The following MUC5B variants were observed in gnomAD, a reference collection of about 807,000 sequenced individuals.
The protein encoded by MUC5B is mucin-5B.
In MUC5B, 116 loss-of-function variants were observed where a neutral mutation model predicts 376.9. The ratio of observed to expected loss-of-function variants is 0.31; its 90% CI spans 0.26 to 0.36. The LOEUF is 0.36. Among genes scored for constraint, MUC5B ranks in the 10% least tolerant of loss-of-function variants. The probability of loss-of-function intolerance (pLI) is 1.00; values close to 1 mark genes in which losing one functional copy is unlikely to be tolerated. For synonymous variants in MUC5B, 3,517 were observed against 3,390.9 expected, an observed-to-expected ratio of 1.04 and a Z score of -1.29; for missense variants, 7,165 against 7,769.9, an observed-to-expected ratio of 0.92 and a Z score of 2.93.
At position 1,229,343 on chromosome 11, in the gene MUC5B, C is replaced by T. The variant is rs1162422193; in HGVS notation, c.1102+48C>T. 29 of 1,483,520 alleles carry T rather than the reference C, an allele frequency of 2.0e-5. No individual in the cohort carries two copies. In the Middle Eastern group the frequency reaches 5.4e-4, roughly 27 times the overall value. 91.9% of individuals were successfully genotyped at this position (1,483,520 alleles called of 1,614,324 possible). ...CCCTCAGGGGGCTTTCAGGTCCCTG[C>T]TCCCAACCCCGCCCCCAGCCTCATC... On this transcript the variant is annotated intron_variant, in intron 9 of 48. Transcript: ENST00000529681.
At position 1,249,843 on chromosome 11, in the gene MUC5B, C is replaced by G. The variant is rs776740108; in HGVS notation, c.12963C>G (p.Thr4321=). 2 of 1,613,710 alleles carry G rather than the reference C, an allele frequency of 1.2e-6. No homozygotes were observed. The highest frequency in any genetic ancestry group is 1.1e-5 in the South Asian group (1 of 91,076). ...LTSTATKSTA[T]SVTPIPSSTL... ...GCACAGCCACCAAATCCACAGCTAC[C>G]AGCGTTACACCCATCCCCTCCTCCA... Residue 4321 remains threonine, a synonymous_variant, in exon 31 of 49, where the codon ACC becomes ACG. Coordinates refer to ENST00000529681, the MANE Select transcript of MUC5B (RefSeq NM_002458.3).
At chr11:1,225,478 C>T (rs988537825) in intron 1 of MUC5B, among the ~76,000 whole-genome samples, 3 of 152,216 alleles carry the variant, frequency 2.0e-5, no homozygotes, top group African/African-American at 4.8e-5. Context: ...CTGCGGCTGA[C>T]GGTTGGGGTG....
chr11:1,238,885 G>A lies in MUC5B; in HGVS notation c.3312G>A (p.Lys1104=). Residue 1104 remains lysine, a synonymous_variant, in exon 26 of 49, where the codon AAG becomes AAA. Transcript: ENST00000529681. ...AACRSQVDST[K]YYEACVNDAC... is the part of the protein sequence containing the mutation. ...CTCACCCGCAGGTTGACTCCACCAA[G>A]TACTACGAGGCCTGCGTGAACGACG... The A allele has an allele frequency of 1.3e-6, 2 of 1,559,540 alleles. No individual in the cohort carries two copies. Among genetic ancestry groups the A allele is most frequent in the Non-Finnish European group, 8.7e-7 (1 of 1,151,696 alleles).
chr11:1,255,320 TGCAC>T, intron 36 of MUC5B, 54 bp downstream of exon 36: 1 of 1,514,330 alleles, frequency 6.6e-7, no homozygotes, highest in Admixed American at 2.1e-5. Context: ...CCCGCCCGCA[TGCAC>T]GCACGCACGC....
At position 1,229,749 on chromosome 11, in the gene MUC5B, A is replaced by C. The variant is rs918605042; in HGVS notation, c.1162A>C (p.Thr388Pro). Residue 388 changes from threonine (T) to proline (P), a missense_variant, in exon 10 of 49, where the codon ACC becomes CCC. Physicochemically the swap from Thr to Pro is conservative, Grantham distance 38. Around this residue, in one of 31 missense-constraint regions of MUC5B, gnomAD observed 640 missense variants for 733.0 expected, o/e 0.87. Transcript: ENST00000529681. ...GCLPLGQCPC[T>P]HGGRTYSPGT... ...CCTGCCCCTCGGGCAGTGCCCCTGC[A>C]CCCACGGCGGCCGCACCTACAGCCC... is the stretch of plus-strand genomic sequence containing the variant. 4 of 1,601,014 alleles carry C rather than the reference A, an allele frequency of 2.5e-6. No homozygotes were observed. The African/African-American group carries it at 4.0e-5, about 16-fold the overall frequency.
chr11:1,258,805 C>T lies in MUC5B; in HGVS notation c.16594-137C>T. The T allele has an allele frequency of 8.1e-7, 1 of 1,240,452 alleles. No individual in the cohort carries two copies. The highest frequency in any genetic ancestry group is 1.5e-5 in the South Asian group (1 of 67,866). The allele number at this position is 1,240,452 out of a possible 1,614,324, so 76.8% of individuals were successfully genotyped here. On this transcript the variant is annotated intron_variant, in intron 43 of 48. Coordinates refer to ENST00000529681, the MANE Select transcript of MUC5B (RefSeq NM_002458.3). The surrounding 1 kb of genome is among the most constrained non-coding windows in gnomAD (Gnocchi z 5.5). ...GCATCAGCTCCCTGCCTGCCTGGGT[C>T]CATGCTCAGCCAGGGGTGCATCTAT...
In MUC5B at chr11:1,234,953, C is replaced by T. The variant is rs187238432; in HGVS notation, c.2631-132C>T. The T allele has an allele frequency of 5.8e-4, 756 of 1,293,812 alleles. No homozygotes were observed. Among genetic ancestry groups the T allele is most frequent in the Non-Finnish European group, 7.5e-4 (722 of 968,536 alleles). The allele number at this position is 1,293,812 out of a possible 1,614,324, so 80.1% of individuals were successfully genotyped here. ...TCACAGTGGGGGACACCACTTCTTC[C>T]ACGGAGGAGGGGTCAGGCTGGGCCT... On this transcript the variant is annotated intron_variant, in intron 21 of 48. Coordinates refer to ENST00000529681, the MANE Select transcript of MUC5B (RefSeq NM_002458.3). This position sits in a 1 kb window ranked among gnomAD's most constrained non-coding sequence, Gnocchi z 6.3.
chr11:1,230,979 T>A lies in MUC5B; in HGVS notation c.1514T>A (p.Ile505Asn). Residue 505 changes from isoleucine to asparagine, a missense_variant, in exon 13 of 49, where the codon ATC becomes AAC. This residue lies in a region of MUC5B where 640 missense variants were observed against 733.0 expected (regional missense o/e 0.87). Coordinates refer to ENST00000529681, the MANE Select transcript of MUC5B (RefSeq NM_002458.3). ...GACGGCGGCGTGTTCCTCAACTCCA[T>A]CTACACGCAGCTGCCCCTGTCGGCA... is the stretch of plus-strand genomic sequence containing the variant. ...QADGGVFLNSIYTQLPLSAAN... is the reference protein window; with the variant it reads ...QADGGVFLNSNYTQLPLSAAN... 1 of 1,599,342 alleles carries A rather than the reference T, an allele frequency of 6.3e-7. No individual in the cohort carries two copies. Among genetic ancestry groups the A allele is most frequent in the Non-Finnish European group, 8.5e-7 (1 of 1,174,306 alleles).
intron 23 of MUC5B, among the ~76,000 whole-genome samples, chr11:1,235,794 G>GC (rs1862143992): frequency 6.6e-6 from 1 of 151,472 alleles, no homozygotes; most frequent in Admixed American, 6.6e-5. Context: ...TTGGATTTAG[G>GC]GCCCCCCCCC....
rs1026355923 is a variant in MUC5B, at chr11:1,234,106, G to C, written c.2378-99G>C. ...TCATGGAAGCTTTGGCTCGGGGGCT[G>C]TTAACTTGATCAGCAGGACAGGCTC... is the stretch of plus-strand genomic sequence containing the variant. On this transcript the variant is annotated intron_variant, in intron 19 of 48. Transcript: ENST00000529681. This position sits in a 1 kb window ranked among gnomAD's most constrained non-coding sequence, Gnocchi z 6.3. 2.0e-5 allele frequency: 21 copies of C among 1,053,482 alleles called. No individual in the cohort carries two copies. In the South Asian group the frequency reaches 3.0e-4, roughly 15 times the overall value. The allele number at this position is 1,053,482 out of a possible 1,614,324, so 65.3% of individuals were successfully genotyped here. A position where few individuals can be genotyped will look rare whatever the true frequency, so the allele number is the denominator to read the frequency against.
At position 1,241,321 on chromosome 11, in the gene MUC5B, A is replaced by G. The variant is rs751854503; in HGVS notation, c.4441A>G (p.Thr1481Ala). The change falls in exon 31 of 49, where the codon ACC (threonine) becomes GCC (alanine). Residue 1481 changes from threonine to alanine, a missense_variant. Transcript: ENST00000529681. ...TPSIRSTAALTSQTGSSSGPV... is the reference protein window; with the variant it reads ...TPSIRSTAALASQTGSSSGPV... ...GAGCATCCGGTCGACGGCGGCCCTC[A>G]CCTCGCAGACTGGGTCCAGCTCAGG... 6 of 1,607,774 alleles carry G rather than the reference A, an allele frequency of 3.7e-6. No individual in the cohort carries two copies. Among genetic ancestry groups the G allele is most frequent in the Non-Finnish European group, 5.1e-6 (6 of 1,177,266 alleles).
At position 1,240,250 on chromosome 11, in the gene MUC5B, G is replaced by A. The variant is rs1862248972; in HGVS notation, c.3845G>A (p.Gly1282Asp). The change falls in exon 30 of 49, where the codon GGC becomes GAC. Residue 1282 changes from glycine (G) to aspartate (D), a missense_variant. This residue lies in a region of MUC5B where 517 missense variants were observed against 545.3 expected (regional missense o/e 0.95). Coordinates refer to ENST00000529681, the MANE Select transcript of MUC5B (RefSeq NM_002458.3). ...ATCTACAACACCACCGATGGGCTTG[G>A]CGCCTGCTTGATCGCCATCTGCGGA... ...DVIYNTTDGL[G>D]ACLIAICGSN... 6.2e-7 allele frequency: 1 copy of A among 1,613,530 alleles called. No individual in the cohort carries two copies.
chr11:1,246,989 C>T lies in MUC5B; in HGVS notation c.10109C>T (p.Ala3370Val). Residue 3370 changes from alanine (A) to valine (V), a missense_variant, in exon 31 of 49, where the codon GCC becomes GTC. Coordinates refer to ENST00000529681, the MANE Select transcript of MUC5B (RefSeq NM_002458.3). ...CTGACCACCACCACCACAACTGTGG[C>T]CACTGGTTCTATGGCAACACCCTCC... is the stretch of plus-strand genomic sequence containing the variant. ...TVLTTTTTTV[A>V]TGSMATPSSS... The T allele has an allele frequency of 6.4e-7, 1 of 1,569,232 alleles. No homozygotes were observed. Among genetic ancestry groups the T allele is most frequent in the Non-Finnish European group, 8.6e-7 (1 of 1,157,582 alleles).
chr11:1,251,971 T>C (rs1486208480), intron 31 of MUC5B, among the ~76,000 whole-genome samples: 1 of 151,480 alleles, frequency 6.6e-6, no homozygotes, highest in Non-Finnish European at 1.5e-5. Context: ...CCACACTTGG[T>C]CCCCACTGGC....
Position 1,241,489 on chromosome 11 carries a change from G to A in MUC5B, c.4609G>A (p.Gly1537Arg), listed in dbSNP as rs1268884084. 6.2e-7 allele frequency: 1 copy of A among 1,613,662 alleles called. No homozygotes were observed. Among genetic ancestry groups the A allele is most frequent in the African/African-American group, 1.3e-5 (1 of 74,922 alleles). ...VESYDKIRAA[G>R]GHLCQQPKDI... is the part of the protein sequence containing the mutation. The stretch of plus-strand genomic sequence containing the variant: ...GTCCTACGATAAGATCAGGGCCGCT[G>A]GAGGGCACTTATGCCAGCAGCCTAA... Residue 1537 changes from glycine to arginine, a missense_variant, in exon 31 of 49, where the codon GGA (glycine) becomes AGA (arginine). Physicochemically the swap from Gly to Arg is moderately radical, Grantham distance 125 (BLOSUM62 -2). Transcript: ENST00000529681.
At position 1,233,054 on chromosome 11, in the gene MUC5B, T is replaced by G; in HGVS notation, c.2107T>G (p.Tyr703Asp). The change falls in exon 18 of 49, where the codon TAC becomes GAC. Residue 703 changes from tyrosine (Y) to aspartate (D), a missense_variant. Physicochemically the swap from Tyr to Asp is radical, Grantham distance 160. Around this residue, in one of 31 missense-constraint regions of MUC5B, gnomAD observed 530 missense variants for 604.0 expected, o/e 0.88. Coordinates refer to ENST00000529681, the MANE Select transcript of MUC5B (RefSeq NM_002458.3). ...QNCPKSQRYA[Y>D]VVDACQPTCR... The stretch of plus-strand genomic sequence containing the variant: ...CTGCCCCAAGTCCCAGCGCTACGCC[T>G]ACGTGGTGGATGCCTGCCAGCCCAC... The G allele has an allele frequency of 1.2e-6, 2 of 1,604,580 alleles. No homozygotes were observed.
At chr11:1,228,465 G>C in intron 7 of MUC5B, 99 bp from the exon 8 acceptor site, 1 of 1,188,854 alleles carries the variant, frequency 8.4e-7, no homozygotes, top group East Asian at 2.7e-5. Context: ...CCGACAGGGA[G>C]AGGGCTTCCC....
At chr11:1,223,516 CA>C (rs1861806587) in intron 1 of MUC5B, 1 of 436,944 alleles carries the variant, frequency 2.3e-6, no homozygotes, top group African/African-American at 2.0e-5. Context: ...GGGAGGGGGT[CA>C]CAGCTGGGGG....
chr11:1,228,476 G>A (rs751221289), intron 7 of MUC5B, 88 bp from the exon 8 acceptor site: 113 of 1,298,142 alleles, frequency 8.7e-5, no homozygotes, highest in Non-Finnish European at 1.1e-4. Context: ...AGGGCTTCCC[G>A]GCCTGGCCTG....
Sources: gnomAD v4.1 joint callset for allele counts (sites outside exome capture counted in the v4.1 genomes callset) on GRCh38, gnomAD v4.1.1 for gene constraint, gnomAD v4.1.1 regional missense constraint, Gnocchi (gnomAD v3.1) non-coding constraint, MANE v1.5 for transcripts, NCBI Gene and HGNC (gene_info 2026-07-23, HGNC 2026-07-21) for gene names.